The following NOTUM variants were observed in gnomAD, a reference collection of about 807,000 sequenced individuals.
The protein encoded by NOTUM is palmitoleoyl-protein carboxylesterase NOTUM.
Under a neutral mutation model 65.5 loss-of-function variants are expected in NOTUM, and 36 were observed. That is an observed-to-expected ratio of 0.55 (90% CI 0.42 to 0.73). NOTUM has a LOEUF of 0.73. NOTUM is among the 30% of genes least tolerant of loss of function. The probability of loss-of-function intolerance (pLI) is 0.00; values close to 1 mark genes in which losing one functional copy is unlikely to be tolerated. For synonymous variants in NOTUM, 356 were observed against 297.9 expected, an observed-to-expected ratio of 1.20 and a Z score of -2.01; for missense variants, 659 against 694.2, an observed-to-expected ratio of 0.95 and a Z score of 0.57.
chr17:81,952,985 C>A lies in NOTUM; in HGVS notation c.1467G>T (p.Leu489=). ...CCTAGCTTCCGTTGCTCAGCATCCC[C>A]AGCAGCTCACTGGGCTCCAGTCCCT... ...QPQGLEPSEL[L]GMLSNGS The change falls in exon 11 of 11, where the codon CTG becomes CTT. Residue 489 remains leucine, a synonymous_variant. Transcript: ENST00000409678. 2 of 1,613,970 alleles carry A rather than the reference C, an allele frequency of 1.2e-6. No individual in the cohort carries two copies. The highest frequency in any genetic ancestry group is 1.7e-6 in the Non-Finnish European group (2 of 1,179,996).
rs753584133 is a variant in NOTUM at position 81,960,766 on chromosome 17, G to A, written c.144C>T (p.Pro48=). 267 of 1,580,592 alleles carry A rather than the reference G, an allele frequency of 1.7e-4. No homozygotes were observed. Among genetic ancestry groups the A allele is most frequent in the Non-Finnish European group, 2.2e-4 (254 of 1,164,218 alleles). ...RTEAAPAAGQ[P]VESFPLDFTA... ...TGAAGTCCAGCGGGAAGCTCTCCAC[G>A]GGCTGTCCGGCCGCCGGCGCCGCCT... The change falls in exon 1 of 11, where the codon CCC becomes CCT. Residue 48 remains proline, a synonymous_variant. Transcript: ENST00000409678. The surrounding 1 kb of genome is among the most constrained non-coding windows in gnomAD (Gnocchi z 6.4).
chr17:81,958,230 C>A (rs1471156411), intron 5 of NOTUM, 105 bp downstream of exon 5: 2 of 773,046 alleles, frequency 2.6e-6, no homozygotes, highest in South Asian at 1.5e-5. Context: ...TTCCCCAGAA[C>A]CCCTGCCGTC....
At position 81,953,172 on chromosome 17, in the gene NOTUM, G is replaced by A. The variant is rs1017436817; in HGVS notation, c.1280C>T (p.Thr427Ile). ...SLHDSHKASK[T>I]PLKGCPVHLV... Reference sequence around the variant, plus strand: ...GTGGACGGGGCAGCCCTTGAGGGGGGTCTTGCTGGCCTTGTGGCTGTCATG... The same window carrying A: ...GTGGACGGGGCAGCCCTTGAGGGGGATCTTGCTGGCCTTGTGGCTGTCATG... The change falls in exon 11 of 11, where the codon ACC (threonine) becomes ATC (isoleucine). Residue 427 changes from threonine (T) to isoleucine (I), a missense_variant. Transcript: ENST00000409678. 3 of 1,612,972 alleles carry A rather than the reference G, an allele frequency of 1.9e-6. No homozygotes were observed. In the South Asian group the frequency reaches 3.3e-5, roughly 18 times the overall value.
At chr17:81,955,263 G>A (rs2041422395) in intron 9 of NOTUM, 134 bp downstream of exon 9, 1 of 774,686 alleles carries the variant, frequency 1.3e-6, no homozygotes, top group Non-Finnish European at 2.0e-6. Context: ...TTATAGGTGT[G>A]AGTCACTGCG....
intron 10 of NOTUM, 44 bp from the exon 11 acceptor site, chr17:81,953,311 C>A: frequency 7.5e-7 from 1 of 1,330,662 alleles, no homozygotes; most frequent in Non-Finnish European, 1.1e-6. Flanking sequence ...TGCGGAGTGG[C>A]ATCAACACTG....
At chr17:81,957,418 C>T (rs1180451934) in intron 6 of NOTUM, among the ~76,000 whole-genome samples, 2 of 152,160 alleles carry the variant, frequency 1.3e-5, no homozygotes, top group African/African-American at 2.4e-5. Context: ...GTCTCCTGGT[C>T]TCCTGTATGC....
chr17:81,959,895 G>T, intron 1 of NOTUM: 1 of 198,630 alleles, frequency 5.0e-6, no homozygotes, highest in Admixed American at 5.9e-5. Context: ...GGAACGGGCC[G>T]CGCGGGGCTG....
chr17:81,952,899 G>A lies in NOTUM; in HGVS notation c.*62C>T. The A allele has an allele frequency of 2.1e-6, 3 of 1,431,516 alleles. No homozygotes were observed. The South Asian group carries it at 3.6e-5, about 17-fold the overall frequency. The allele number at this position is 1,431,516 out of a possible 1,614,324, so 88.7% of individuals were successfully genotyped here. ...GGAGGGCCTGCTGGTGGGGGGTGAG[G>A]TGGCACTGGGGCAGCGGGTGTCTGG... On this transcript the variant is annotated 3_prime_UTR_variant, in exon 11 of 11. Transcript: ENST00000409678.
In NOTUM at chr17:81,960,604, G is replaced by C; in HGVS notation, c.306C>G (p.Asn102Lys). Residue 102 changes from asparagine to lysine, a missense_variant, in exon 1 of 11, where the codon AAC becomes AAG. Transcript: ENST00000409678. The surrounding 1 kb of genome is among the most constrained non-coding windows in gnomAD (Gnocchi z 6.4). The stretch of plus-strand genomic sequence containing the variant: ...GGCCTTACCCGGCGGGGCTGCCGTC[G>C]TTGCAGGTCACCGAGGTGTTGAGTA... Reference protein sequence around the residue: ...HLLLNTSVTCNDGSPAGYYLK... With the variant: ...HLLLNTSVTCKDGSPAGYYLK... The C allele has an allele frequency of 2.0e-6, 3 of 1,512,138 alleles. No homozygotes were observed. Among genetic ancestry groups the C allele is most frequent in the Non-Finnish European group, 2.7e-6 (3 of 1,118,752 alleles). The allele number at this position is 1,512,138 out of a possible 1,614,324, so 93.7% of individuals were successfully genotyped here.
At position 81,955,738 on chromosome 17, in the gene NOTUM, C is replaced by T. The variant is rs577518548; in HGVS notation, c.989-194G>A. On this transcript the variant is annotated intron_variant, in intron 8 of 10. Transcript: ENST00000409678. The stretch of plus-strand genomic sequence containing the variant: ...CCCCAGGCCCCTGCAGTGCCCCCCA[C>T]CCCAGGCTCAGAGTTCAGCACCCCC... Among the ~76,000 whole-genome samples, 937 of 108,760 alleles carry T rather than the reference C, an allele frequency of 8.6e-3. 40 individuals are homozygous for T. The highest frequency in any genetic ancestry group is 0.034 in the African/African-American group (867 of 25,308). 71.4% of individuals were successfully genotyped at this position (108,760 alleles called of 152,430 possible).
chr17:81,957,286 T>G (rs2041440669), intron 6 of NOTUM, among the ~76,000 whole-genome samples: 1 of 152,194 alleles, frequency 6.6e-6, no homozygotes, highest in Non-Finnish European at 1.5e-5. Context: ...CACATTTCCC[T>G]GACACAGCCA....
At chr17:81,958,476 G>A in intron 4 of NOTUM, 83 bp from the exon 5 acceptor site, 2 of 891,004 alleles carry the variant, frequency 2.2e-6, no homozygotes, top group East Asian at 2.4e-5. Context: ...AGGACCCTCA[G>A]AAAAGACCAT....
intron 9 of NOTUM, 29 bp downstream of exon 9, chr17:81,955,368 C>T (rs777755606): frequency 3.3e-6 from 5 of 1,530,820 alleles, no homozygotes; most frequent in African/African-American, 2.7e-5. Context: ...AGCTACCCGG[C>T]GTGGGGCTCC....
chr17:81,959,147 G>T, intron 3 of NOTUM, 152 bp from the exon 4 acceptor site: 1 of 691,382 alleles, frequency 1.4e-6, no homozygotes, highest in Non-Finnish European at 2.5e-6. Context: ...CCGGGAAAGT[G>T]GAGGACAGTT....
At chr17:81,955,807 C>T (rs2041428744) in intron 8 of NOTUM, among the ~76,000 whole-genome samples, 1 of 138,396 alleles carries the variant, frequency 7.2e-6, no homozygotes, top group Non-Finnish European at 1.6e-5. Flanking sequence ...AGCTCAGCAC[C>T]CCCAGGCCCC....
chr17:81,953,125 G>A lies in NOTUM; in HGVS notation c.1327C>T (p.Pro443Ser). Residue 443 changes from proline (P) to serine (S), a missense_variant, in exon 11 of 11, where the codon CCC becomes TCC. Physicochemically the swap from Pro to Ser is moderately conservative, Grantham distance 74 (BLOSUM62 -1). Transcript: ENST00000409678. ...PVHLVDSCPW[P>S]HCNPSCPTVR... ...GTGGGGCATGAGGGGTTGCAGTGGG[G>A]CCAGGGGCAGCTGTCCACCAGGTGG... 2 of 1,613,592 alleles carry A rather than the reference G, an allele frequency of 1.2e-6. No individual in the cohort carries two copies. The highest frequency in any genetic ancestry group is 1.1e-5 in the South Asian group (1 of 91,052).
In NOTUM at chr17:81,960,056, C is replaced by T. The variant is rs1474957777; in HGVS notation, c.324-364G>A. Among the ~76,000 whole-genome samples the T allele has an allele frequency of 6.6e-6, 1 of 152,018 alleles. No homozygotes were observed. The highest frequency in any genetic ancestry group is 1.9e-4 in the East Asian group (1 of 5,176). On this transcript the variant is annotated intron_variant, in intron 1 of 10. Coordinates refer to ENST00000409678, the MANE Select transcript of NOTUM (RefSeq NM_178493.6). The surrounding 1 kb of genome is among the most constrained non-coding windows in gnomAD (Gnocchi z 6.4). The stretch of plus-strand genomic sequence containing the variant: ...CGCTTGGCGGGGGAACGGGACGCCG[C>T]GGGGAGCGCGGGAGGCGCGGGCGGC...
intron 10 of NOTUM, 142 bp from the exon 11 acceptor site, chr17:81,953,409 C>A (rs1284873734): frequency 8.1e-6 from 5 of 614,452 alleles, no homozygotes; most frequent in Non-Finnish European, 1.4e-5. Flanking sequence ...GATTCTCCTG[C>A]CTCAGCCTCC....
intron 3 of NOTUM, 174 bp from the exon 4 acceptor site, chr17:81,959,169 C>T (rs909566761): frequency 3.1e-6 from 2 of 642,138 alleles, no homozygotes; most frequent in South Asian, 1.8e-5. Flanking sequence ...GGTTTAGTTA[C>T]CCCCGGGAAG....
Sources: allele counts gnomAD v4.1 joint callset (sites outside exome capture counted in the v4.1 genomes callset), GRCh38; gene constraint gnomAD v4.1.1; non-coding constraint Gnocchi (gnomAD v3.1); transcripts MANE v1.5; gene names NCBI Gene and HGNC (gene_info 2026-07-23, HGNC 2026-07-21).